CLIP2: variants seen among roughly 807,000 people sequenced by gnomAD.
CLIP2 encodes CAP-Gly domain containing linker protein 2.
Under a neutral mutation model 111.7 loss-of-function variants are expected in CLIP2, and 41 were observed. The ratio of observed to expected loss-of-function variants is 0.37; its 90% CI spans 0.29 to 0.48. The LOEUF (loss-of-function observed/expected upper bound fraction) is 0.48, where lower values mean the gene tolerates loss of function less well. CLIP2 is among the 20% of genes least tolerant of loss of function. CLIP2 has a pLI of 0.99. For missense variants in CLIP2, 1,160 were observed against 1,422.1 expected (o/e 0.82, Z 2.96); for synonymous variants, 660 against 644.2 (o/e 1.02, Z -0.37).
At chr7:74,334,985 G>T (rs1789408193) in intron 2 of CLIP2, among the ~76,000 whole-genome samples, 1 of 151,872 alleles carries the variant, frequency 6.6e-6, no homozygotes, top group South Asian at 2.1e-4. Flanking sequence ...CTGGGCAACA[G>T]AGTGAGACTC....
intron 1 of CLIP2, among the ~76,000 whole-genome samples, chr7:74,317,177 T>C (rs1788802241): frequency 6.6e-6 from 1 of 152,168 alleles, no homozygotes; most frequent in African/African-American, 2.4e-5. Flanking sequence ...GCAGAGGTCA[T>C]GGCTAGATGA....
intron 1 of CLIP2, among the ~76,000 whole-genome samples, chr7:74,308,379 C>T (rs1554728037): frequency 1.3e-5 from 2 of 152,120 alleles, no homozygotes; most frequent in African/African-American, 4.8e-5. Context: ...ACCAGCTGGG[C>T]TGATCACCAC....
chr7:74,389,019 C>A, intron 12 of CLIP2, 84 bp from the exon 13 acceptor site: 1 of 1,478,702 alleles, frequency 6.8e-7, no homozygotes, highest in East Asian at 2.4e-5. Flanking sequence ...GAATCAGCGC[C>A]CTGCCCAGGT....
At position 74,373,008 on chromosome 7, in the gene CLIP2, G is replaced by A. The variant is rs986065447; in HGVS notation, c.1457G>A (p.Arg486Gln). Residue 486 changes from arginine (R) to glutamine (Q), a missense_variant, in exon 9 of 17, where the codon CGG becomes CAG. This residue lies in a region of CLIP2 where 676 missense variants were observed against 777.8 expected (regional missense o/e 0.87). Transcript: ENST00000223398. ...SLLLEKAQAERLLRELADNRL... is the reference protein window; with the variant it reads ...SLLLEKAQAEQLLRELADNRL... Reference sequence around the variant, plus strand: ...CTACTGGAGAAGGCGCAGGCCGAGCGGCTGCTCCGAGAATTAGCGGACAAC... The same window carrying A: ...CTACTGGAGAAGGCGCAGGCCGAGCAGCTGCTCCGAGAATTAGCGGACAAC... The A allele has an allele frequency of 6.9e-6, 11 of 1,592,238 alleles. 1 individual carries two copies. The highest frequency in any genetic ancestry group is 3.4e-5 in the South Asian group (3 of 87,272).
At chr7:74,377,713 CAGAG>C (rs1179613644) in intron 10 of CLIP2, among the ~76,000 whole-genome samples, 1 of 152,186 alleles carries the variant, frequency 6.6e-6, no homozygotes, top group African/African-American at 2.4e-5. Context: ...GTGGGGCTGA[CAGAG>C]AGTGCCCAAG....
At chr7:74,296,823 C>T (rs1213174338) in intron 1 of CLIP2, among the ~76,000 whole-genome samples, 2 of 149,494 alleles carry the variant, frequency 1.3e-5, no homozygotes, top group Admixed American at 6.7e-5. Flanking sequence ...GAAAAAGAAA[C>T]CAACCCTGCT....
rs782370821 is a variant in CLIP2, at chr7:74,317,475, C to T, written c.-67-5C>T. 76 of 1,330,768 alleles carry T rather than the reference C, an allele frequency of 5.7e-5. No homozygotes were observed. The highest frequency in any genetic ancestry group is 6.9e-5 in the Non-Finnish European group (71 of 1,034,034). The allele number at this position is 1,330,768 out of a possible 1,614,324, so 82.4% of individuals were successfully genotyped here. ...TGATGTGATCTCTCCTGTCTCTGCC[C>T]GCAGGTGAGTGAAGATGGCAGAGAG... On this transcript the variant is annotated splice_polypyrimidine_tract_variant and splice_region_variant and intron_variant, in intron 1 of 16. Coordinates refer to ENST00000223398, the MANE Select transcript of CLIP2 (RefSeq NM_003388.5).
At chr7:74,345,215 T>A (rs1789770027) in intron 3 of CLIP2, among the ~76,000 whole-genome samples, 2 of 152,096 alleles carry the variant, frequency 1.3e-5, no homozygotes, top group African/African-American at 4.8e-5. Flanking sequence ...ACTTGGGGTG[T>A]CAAGAGAAAT....
chr7:74,317,472 G>A lies in CLIP2; in HGVS notation c.-67-8G>A. ...TGATGATGTGATCTCTCCTGTCTCT[G>A]CCCGCAGGTGAGTGAAGATGGCAGA... is the stretch of plus-strand genomic sequence containing the variant. On this transcript the variant is annotated splice_polypyrimidine_tract_variant and splice_region_variant and intron_variant, in intron 1 of 16. Coordinates refer to ENST00000223398, the MANE Select transcript of CLIP2 (RefSeq NM_003388.5). 5 of 1,330,230 alleles carry A rather than the reference G, an allele frequency of 3.8e-6. No individual in the cohort carries two copies. The highest frequency in any genetic ancestry group is 4.8e-6 in the Non-Finnish European group (5 of 1,034,304). 82.4% of individuals were successfully genotyped at this position (1,330,230 alleles called of 1,614,324 possible).
intron 2 of CLIP2, among the ~76,000 whole-genome samples, chr7:74,320,817 G>A (rs1788928965): frequency 6.6e-6 from 1 of 152,154 alleles, no homozygotes; most frequent in African/African-American, 2.4e-5. Flanking sequence ...GGAAGGATCT[G>A]CAGACAGTGG....
intron 3 of CLIP2, among the ~76,000 whole-genome samples, chr7:74,346,199 T>G (rs1789791754): frequency 6.6e-6 from 1 of 152,026 alleles, no homozygotes; most frequent in African/African-American, 2.4e-5. Context: ...CAGGCTGGTC[T>G]TGAACTCCTG....
intron 11 of CLIP2, among the ~76,000 whole-genome samples, chr7:74,384,691 C>T (rs560098214): frequency 1.3e-5 from 2 of 151,968 alleles, no homozygotes; most frequent in South Asian, 4.1e-4. Flanking sequence ...ATCGATGCAC[C>T]TGCCTCGGCC....
In CLIP2 at chr7:74,401,510, C is replaced by G. The variant is rs782178455; in HGVS notation, c.3072C>G (p.Ile1024Met). The G allele has an allele frequency of 1.9e-6, 3 of 1,613,946 alleles. No homozygotes were observed. The highest frequency in any genetic ancestry group is 2.2e-5 in the East Asian group (1 of 44,886). The change falls in exon 16 of 17, where the codon ATC becomes ATG. Residue 1024 changes from isoleucine (I) to methionine (M), a missense_variant. Physicochemically the swap from Ile to Met is conservative, Grantham distance 10. This residue lies in a region of CLIP2 where 676 missense variants were observed against 777.8 expected (regional missense o/e 0.87). Coordinates refer to ENST00000223398, the MANE Select transcript of CLIP2 (RefSeq NM_003388.5). ...GTCTCCCCTAACTCTTCCAGACCATCGGCAATTCCGGTTCTGCAAACGGCA... is the reference window on the plus strand; with the variant it reads ...GTCTCCCCTAACTCTTCCAGACCATGGGCAATTCCGGTTCTGCAAACGGCA... Reference protein sequence around the residue: ...MRSCPDKAQTIGNSGSANGIH... With the variant: ...MRSCPDKAQTMGNSGSANGIH...
At chr7:74,337,422 C>T (rs200048266) in intron 2 of CLIP2, among the ~76,000 whole-genome samples, 99 of 152,026 alleles carry the variant, frequency 6.5e-4, no homozygotes, top group African/African-American at 2.0e-3. Context: ...ATGGGGGTCT[C>T]GGAGACCACT....
In CLIP2 at chr7:74,389,226, T is replaced by C; in HGVS notation, c.2687T>C (p.Val896Ala). The stretch of plus-strand genomic sequence containing the variant: ...ACCCATGACGCCTCGGGCCAGCTAG[T>C]CCTCATCAGCCAGGAGCTGCTGCGG... The part of the protein sequence containing the change: ...RKTHDASGQL[V>A]LISQELLRKE... The change falls in exon 13 of 17, where the codon GTC (valine) becomes GCC (alanine). Residue 896 changes from valine to alanine, a missense_variant. Transcript: ENST00000223398. 6.2e-7 allele frequency: 1 copy of C among 1,610,128 alleles called. No homozygotes were observed. Among genetic ancestry groups the C allele is most frequent in the Non-Finnish European group, 8.5e-7 (1 of 1,178,548 alleles).
intron 3 of CLIP2, among the ~76,000 whole-genome samples, chr7:74,353,325 A>G (rs1296825562): frequency 6.8e-6 from 1 of 148,054 alleles, no homozygotes; most frequent in Non-Finnish European, 1.5e-5. Flanking sequence ...ATCTCGGCTC[A>G]CTGCAAGCTC....
In CLIP2 at chr7:74,385,511, G is replaced by A. The variant is rs540716767; in HGVS notation, c.2480-1010G>A. 1.4e-4 allele frequency among the ~76,000 whole-genome samples: 21 copies of A among 151,690 alleles called. No homozygotes were observed. In the South Asian group the frequency reaches 4.4e-3, roughly 32 times the overall value. The stretch of plus-strand genomic sequence containing the variant: ...TAAAATCGTGTTGGTATTTTTAGTG[G>A]TATTACATTCCCTTTATAAATTAAC... On this transcript the variant is annotated intron_variant, in intron 11 of 16. Coordinates refer to ENST00000223398, the MANE Select transcript of CLIP2 (RefSeq NM_003388.5).
chr7:74,396,582 A>T (rs1439409383), intron 13 of CLIP2, among the ~76,000 whole-genome samples: 1 of 152,090 alleles, frequency 6.6e-6, no homozygotes, highest in Admixed American at 6.6e-5. Flanking sequence ...GTGCAATGGC[A>T]CGATCTTGGC....
At chr7:74,380,922 G>C (rs1790924723) in intron 11 of CLIP2, 59 bp downstream of exon 11, 1 of 1,530,818 alleles carries the variant, frequency 6.5e-7, no homozygotes, top group Non-Finnish European at 9.1e-7. Context: ...GGCTGGCTCT[G>C]CCTTCCTGCT....
Sources: gnomAD v4.1 joint callset for allele counts (sites outside exome capture counted in the v4.1 genomes callset) on GRCh38, gnomAD v4.1.1 for gene constraint, gnomAD v4.1.1 regional missense constraint, MANE v1.5 for transcripts, NCBI Gene and HGNC (gene_info 2026-07-23, HGNC 2026-07-21) for gene names.